The following MPPED2 variants were observed in gnomAD, a reference collection of about 807,000 sequenced individuals.
MPPED2 encodes metallophosphoesterase domain containing 2.
In MPPED2, 5 loss-of-function variants were observed where a neutral mutation model predicts 33.0. That is an observed-to-expected ratio of 0.15 (90% CI 0.08 to 0.32). The LOEUF is 0.32. Ranked by LOEUF, MPPED2 falls within the 10% of genes least tolerant of loss-of-function variation. MPPED2 has a pLI of 1.00. For missense variants in MPPED2, 275 were observed against 372.1 expected, an observed-to-expected ratio of 0.74 and a Z score of 2.15; for synonymous variants, 136 against 141.9, an observed-to-expected ratio of 0.96 and a Z score of 0.29.
At chr11:30,545,722 G>C (rs1448743157) in intron 2 of MPPED2, among the ~76,000 whole-genome samples, 2 of 152,110 alleles carry the variant, frequency 1.3e-5, no homozygotes, top group Non-Finnish European at 2.9e-5. Context: ...AGGGATAGGC[G>C]GTGGCTCTGC....
intron 3 of MPPED2, among the ~76,000 whole-genome samples, chr11:30,512,556 A>C (rs1187204491): frequency 6.6e-6 from 1 of 152,172 alleles, no homozygotes; most frequent in Non-Finnish European, 1.5e-5. Context: ...ACCCCACAAC[A>C]CCACATTTCT....
At chr11:30,504,664 T>C (rs544525716) in intron 3 of MPPED2, 1 of 732,562 alleles carries the variant, frequency 1.4e-6, no homozygotes, top group East Asian at 6.5e-5. Flanking sequence ...GCTCTGTCTC[T>C]GACCTCAGTC....
intron 4 of MPPED2, among the ~76,000 whole-genome samples, chr11:30,451,320 C>G (rs753049465): frequency 6.6e-6 from 1 of 152,176 alleles, no homozygotes; most frequent in South Asian, 2.1e-4. Context: ...TGTCACAAAG[C>G]TTAGGCCCCT....
At chr11:30,417,393 CTT>C (rs1351232605) in intron 5 of MPPED2, 123 bp downstream of exon 5, 2 of 575,126 alleles carry the variant, frequency 3.5e-6, no homozygotes, top group African/African-American at 4.0e-5. Flanking sequence ...AAGACATTGA[CTT>C]TTCTTCTCGT....
At chr11:30,573,905 A>T (rs191003166) in intron 2 of MPPED2, among the ~76,000 whole-genome samples, 1 of 152,204 alleles carries the variant, frequency 6.6e-6, no homozygotes, top group African/African-American at 2.4e-5. Flanking sequence ...AGCTTATAGA[A>T]TAAGAATATA....
chr11:30,538,311 T>C (rs555229319), intron 2 of MPPED2, among the ~76,000 whole-genome samples: 1 of 152,300 alleles, frequency 6.6e-6, no homozygotes, highest in South Asian at 2.1e-4. Context: ...TCAAAATCCT[T>C]TGGGAGGTCA....
At chr11:30,417,307 T>C (rs897617397) in intron 5 of MPPED2, among the ~76,000 whole-genome samples, 2 of 152,050 alleles carry the variant, frequency 1.3e-5, no homozygotes, top group African/African-American at 4.8e-5. Flanking sequence ...CTTGACTAAA[T>C]CAAAAAATTT....
intron 2 of MPPED2, among the ~76,000 whole-genome samples, chr11:30,536,945 G>A (rs139602474): frequency 7.9e-5 from 12 of 152,212 alleles, no homozygotes; most frequent in African/African-American, 2.6e-4. Flanking sequence ...CCTTTTAATG[G>A]GATGTATATA....
At chr11:30,447,458 C>T (rs987278575) in intron 4 of MPPED2, among the ~76,000 whole-genome samples, 1 of 152,170 alleles carries the variant, frequency 6.6e-6, no homozygotes, top group African/African-American at 2.4e-5. Context: ...AAGCAGTGGC[C>T]TGACAGGGAC....
chr11:30,585,913 C>G (rs533056977), intron 1 of MPPED2, 129 bp downstream of exon 1: 5 of 152,372 alleles, frequency 3.3e-5, no homozygotes, highest in Non-Finnish European at 7.3e-5. Flanking sequence ...GCGCCTCTGA[C>G]AAGGCACCTC....
intron 1 of MPPED2, among the ~76,000 whole-genome samples, chr11:30,581,883 T>G (rs1957185401): frequency 6.6e-6 from 1 of 152,218 alleles, no homozygotes. Context: ...CTCTGGCATT[T>G]TAAACAAAGT....
At chr11:30,466,406 G>A (rs1443191694) in intron 4 of MPPED2, among the ~76,000 whole-genome samples, 2 of 152,238 alleles carry the variant, frequency 1.3e-5, no homozygotes, top group African/African-American at 4.8e-5. Context: ...ACCCTGCCAT[G>A]GGGCTGGAGT....
chr11:30,552,275 C>A (rs1320423465), intron 2 of MPPED2, among the ~76,000 whole-genome samples: 1 of 152,186 alleles, frequency 6.6e-6, no homozygotes, highest in African/African-American at 2.4e-5. Context: ...AAGGGACAAG[C>A]AAATTTCCCC....
intron 2 of MPPED2, among the ~76,000 whole-genome samples, chr11:30,572,851 A>T: frequency 6.6e-6 from 1 of 152,062 alleles, no homozygotes. Context: ...ATGATGTGGG[A>T]TTTGTGTTCT....
intron 3 of MPPED2, among the ~76,000 whole-genome samples, chr11:30,515,597 C>G (rs1953489745): frequency 6.6e-6 from 1 of 152,144 alleles, no homozygotes; most frequent in Non-Finnish European, 1.5e-5. Context: ...GTATGCAAAA[C>G]AGCTTCACAA....
chr11:30,554,493 A>G (rs1301471645), intron 2 of MPPED2, among the ~76,000 whole-genome samples: 1 of 151,882 alleles, frequency 6.6e-6, no homozygotes, highest in African/African-American at 2.4e-5. Context: ...TGCATTTTAG[A>G]GGTTGTTTTG....
intron 2 of MPPED2, among the ~76,000 whole-genome samples, chr11:30,573,724 T>G (rs1590912120): frequency 6.6e-6 from 1 of 152,182 alleles, no homozygotes; most frequent in East Asian, 1.9e-4. Flanking sequence ...GTTACATGGA[T>G]AAATTGTTAT....
chr11:30,440,945 T>C (rs1459054878), intron 4 of MPPED2, among the ~76,000 whole-genome samples: 1 of 152,228 alleles, frequency 6.6e-6, no homozygotes, highest in Admixed American at 6.5e-5. Flanking sequence ...CAAACATATA[T>C]GTGAAATGCT....
exon 7 of MPPED2, chr11:30,388,937 G>A (rs926926535): frequency 2.6e-6 from 4 of 1,565,166 alleles, no homozygotes; most frequent in African/African-American, 1.4e-5. Context: ...TCAGTGCCTT[G>A]GAGATGCTCA....
Sources: allele counts gnomAD v4.1 joint callset (sites outside exome capture counted in the v4.1 genomes callset), GRCh38; gene constraint gnomAD v4.1.1; transcripts MANE v1.5; gene names NCBI Gene and HGNC (gene_info 2026-07-23, HGNC 2026-07-21).